Variants in USP15 observed in about 807,000 individuals in gnomAD.
USP15 encodes ubiquitin carboxyl-terminal hydrolase 15.
USP15 carries 18 observed loss-of-function variants against 127.1 expected under a neutral mutation model. The observed-to-expected ratio is 0.14, with a 90% confidence interval of 0.10 to 0.21. The LOEUF (loss-of-function observed/expected upper bound fraction) is 0.21. Ranked by LOEUF, USP15 falls within the 10% of genes least tolerant of loss-of-function variation. The probability of loss-of-function intolerance (pLI) is 1.00; values close to 1 mark genes in which losing one functional copy is unlikely to be tolerated. For synonymous variants in USP15, 364 were observed against 393.7 expected (o/e 0.92, Z 0.89); for missense variants, 805 against 1,159.9 (o/e 0.69, Z 4.44).
intron 7 of USP15, among the ~76,000 whole-genome samples, chr12:62,352,350 A>T (rs1284924594): frequency 1.3e-5 from 2 of 151,920 alleles, no homozygotes; most frequent in African/African-American, 4.8e-5. Flanking sequence ...TTTACCTATT[A>T]GTCCCTTGTG....
rs2067957934 is a variant in USP15, at chr12:62,408,766, T to G, written c.*4391T>G. The stretch of plus-strand genomic sequence containing the variant: ...GTTGCAGATCTATATTATATATCAT[T>G]TTATTATCAGATTTTCTAGTGAGAA... On this transcript the variant is annotated 3_prime_UTR_variant, in exon 22 of 22. Coordinates refer to ENST00000280377, the MANE Select transcript of USP15 (RefSeq NM_001252078.2). 6.6e-6 allele frequency: 1 copy of G among 152,082 alleles called. No individual in the cohort carries two copies. Among genetic ancestry groups the G allele is most frequent in the South Asian group, 2.1e-4 (1 of 4,830 alleles). 9.4% of individuals were successfully genotyped at this position (152,082 alleles called of 1,614,324 possible). A position where few individuals can be genotyped will look rare whatever the true frequency, so the allele number is the denominator to read the frequency against.
Position 62,294,070 on chromosome 12 carries a change from G to C in USP15, c.90-109G>C, listed in dbSNP as rs938844824. On this transcript the variant is annotated intron_variant, in intron 1 of 21. Transcript: ENST00000280377. ...GCATTACAGTTTTCAAATATCCTTT[G>C]AAGTAGATATGTCTTTTAATATAAA... 6.0e-6 allele frequency: 7 copies of C among 1,162,206 alleles called. No individual in the cohort carries two copies. The East Asian group carries it at 1.5e-4, about 26-fold the overall frequency. The allele number at this position is 1,162,206 out of a possible 1,614,324, so 72.0% of individuals were successfully genotyped here. A position where few individuals can be genotyped will look rare whatever the true frequency, so the allele number is the denominator to read the frequency against.
At chr12:62,327,216 A>T (rs928075048) in intron 6 of USP15, among the ~76,000 whole-genome samples, 1 of 151,466 alleles carries the variant, frequency 6.6e-6, no homozygotes, top group African/African-American at 2.4e-5. Flanking sequence ...CTTACGTGAA[A>T]TTTTTTTTTC....
chr12:62,328,602 G>C (rs577840750), intron 6 of USP15, among the ~76,000 whole-genome samples: 1 of 152,198 alleles, frequency 6.6e-6, no homozygotes, highest in South Asian at 2.1e-4. Context: ...GCTTAACCTA[G>C]TAATGCCTGT....
intron 11 of USP15, among the ~76,000 whole-genome samples, chr12:62,384,832 T>C (rs964727636): frequency 2.0e-5 from 3 of 151,880 alleles, no homozygotes; most frequent in Non-Finnish European, 4.4e-5. Context: ...GTATCACATA[T>C]TGTTTATTCT....
chr12:62,370,497 T>C (rs753028503), intron 8 of USP15, among the ~76,000 whole-genome samples: 32 of 152,208 alleles, frequency 2.1e-4, no homozygotes, highest in Non-Finnish European at 4.4e-4. Context: ...CACTTACAAG[T>C]TGTGTGACCT....
chr12:62,371,854 G>A lies in USP15; in HGVS notation c.916-9636G>A, dbSNP rs550862426. Among the ~76,000 whole-genome samples, 56 of 152,194 alleles carry A rather than the reference G, an allele frequency of 3.7e-4. 1 individual carries two copies. In the South Asian group the frequency reaches 7.0e-3, roughly 19 times the overall value. ...ATCAGGAGGTAAAAATAGCTCGAGC[G>A]GAAATATTTGGGTTTGTATATTAGC... On this transcript the variant is annotated intron_variant, in intron 8 of 21. Coordinates refer to ENST00000280377, the MANE Select transcript of USP15 (RefSeq NM_001252078.2).
chr12:62,365,257 A>T (rs1440633511), intron 8 of USP15, among the ~76,000 whole-genome samples: 1 of 152,134 alleles, frequency 6.6e-6, no homozygotes, highest in East Asian at 1.9e-4. Flanking sequence ...TAACTGGTAT[A>T]TGAGATGGTA....
In USP15 at chr12:62,260,510, G is replaced by A; in HGVS notation, c.89+7G>A. The A allele has an allele frequency of 6.4e-7, 1 of 1,550,864 alleles. No individual in the cohort carries two copies. Among genetic ancestry groups the A allele is most frequent in the Admixed American group, 2.0e-5 (1 of 50,990 alleles). ...TCCGGAAAGGGGACACCTGGTAAGA[G>A]AAAGGGGTTGAGATGCCCGCGGTTG... On this transcript the variant is annotated splice_region_variant and intron_variant, in intron 1 of 21. Transcript: ENST00000280377.
At chr12:62,299,579 AGTT>A (rs1333423974) in intron 2 of USP15, among the ~76,000 whole-genome samples, 2 of 152,268 alleles carry the variant, frequency 1.3e-5, no homozygotes, top group Non-Finnish European at 1.5e-5. Flanking sequence ...TGGACATTTG[AGTT>A]GTTTTCACGT....
intron 1 of USP15, chr12:62,277,489 A>AT (rs979933921): frequency 3.3e-5 from 5 of 152,174 alleles, no homozygotes; most frequent in Non-Finnish European, 7.4e-5. Context: ...CATATAAAAG[A>AT]TTTTTTTAAA....
At chr12:62,376,943 G>T (rs1477211642) in intron 8 of USP15, among the ~76,000 whole-genome samples, 1 of 152,152 alleles carries the variant, frequency 6.6e-6, no homozygotes, top group African/African-American at 2.4e-5. Flanking sequence ...AGTCTCATCT[G>T]ATAGGAAAAT....
intron 6 of USP15, among the ~76,000 whole-genome samples, chr12:62,347,229 A>G (rs901722789): frequency 3.9e-5 from 6 of 151,926 alleles, no homozygotes; most frequent in African/African-American, 1.4e-4. Flanking sequence ...TTCTTTTCCA[A>G]TATAGTTCTC....
At chr12:62,264,251 C>T (rs1270775908) in intron 1 of USP15, among the ~76,000 whole-genome samples, 3 of 152,034 alleles carry the variant, frequency 2.0e-5, no homozygotes, top group African/African-American at 7.3e-5. Flanking sequence ...CCCAGAGGGC[C>T]GGGATTACAG....
At chr12:62,371,231 T>G (rs1249191766) in intron 8 of USP15, among the ~76,000 whole-genome samples, 5 of 152,186 alleles carry the variant, frequency 3.3e-5, no homozygotes, top group African/African-American at 1.2e-4. Flanking sequence ...TTCTTAGAAT[T>G]TATTATGTTT....
rs534875376 is a variant in USP15, at chr12:62,351,500, CTA to C, written c.770+2195_770+2196del. 3.7e-4 allele frequency among the ~76,000 whole-genome samples: 56 copies of C among 151,682 alleles called. No homozygotes were observed. The East Asian group carries it at 8.0e-3, about 22-fold the overall frequency. On this transcript the variant is annotated intron_variant, in intron 7 of 21. Transcript: ENST00000280377. Reference sequence around the variant, plus strand: ...AGAGATTTTTAACATTGTATATAGACTATGTTGAATGTAGACTATATTTTGAC... The same window carrying C: ...AGAGATTTTTAACATTGTATATAGACTGTTGAATGTAGACTATATTTTGAC...
chr12:62,388,533 G>A (rs1340533256), intron 11 of USP15, among the ~76,000 whole-genome samples: 4 of 152,182 alleles, frequency 2.6e-5, no homozygotes, highest in Non-Finnish European at 5.9e-5. Context: ...AATTGATATT[G>A]GGCACTGTGG....
At chr12:62,306,811 A>G (rs527910186) in intron 3 of USP15, among the ~76,000 whole-genome samples, 3 of 152,278 alleles carry the variant, frequency 2.0e-5, no homozygotes, top group South Asian at 4.1e-4. Context: ...GTGTGATCTA[A>G]TCTGGCAGCC....
rs1390115669 is a variant in USP15, at chr12:62,404,475, G to A, written c.*100G>A. The A allele has an allele frequency of 7.2e-7, 1 of 1,393,584 alleles. No individual in the cohort carries two copies. The highest frequency in any genetic ancestry group is 2.6e-5 in the East Asian group (1 of 38,596). 86.3% of individuals were successfully genotyped at this position (1,393,584 alleles called of 1,614,324 possible). ...CATTAAAACAAAAGTCTGAGATGGG[G>A]AGTTTCAGATAACCGAATGTAAATC... On this transcript the variant is annotated 3_prime_UTR_variant, in exon 22 of 22. Coordinates refer to ENST00000280377, the MANE Select transcript of USP15 (RefSeq NM_001252078.2).
Sources: allele counts gnomAD v4.1 joint callset (sites outside exome capture counted in the v4.1 genomes callset), GRCh38; gene constraint gnomAD v4.1.1; transcripts MANE v1.5; gene names NCBI Gene and HGNC (gene_info 2026-07-23, HGNC 2026-07-21).